KCTD19: variants seen among roughly 807,000 people sequenced by gnomAD.
The protein encoded by KCTD19 is BTB/POZ domain-containing protein KCTD19.
A neutral mutation model predicts 103.5 loss-of-function variants in KCTD19; 67 were observed. The ratio of observed to expected loss-of-function variants is 0.65; its 90% CI spans 0.53 to 0.79. The LOEUF (loss-of-function observed/expected upper bound fraction) is 0.79. KCTD19 is among the 30% of genes least tolerant of loss of function. The pLI is 0.00. For missense variants in KCTD19, 980 were observed against 1,136.1 expected, an observed-to-expected ratio of 0.86 and a Z score of 1.98; for synonymous variants, 439 against 452.2, an observed-to-expected ratio of 0.97 and a Z score of 0.37.
chr16:67,309,275 A>G (rs1366006403), intron 2 of KCTD19, among the ~76,000 whole-genome samples: 1 of 152,214 alleles, frequency 6.6e-6, no homozygotes, highest in Non-Finnish European at 1.5e-5. Flanking sequence ...ACTGAGAAAG[A>G]TGGAAAGACA....
rs373786753 is a variant in KCTD19, at chr16:67,326,709, G to A, written c.-2C>T. Reference sequence around the variant, plus strand: ...CCGCCAGAGCGGGCTCCGTACCATGGTCGCGGCTCCAGCAGCGGGCGGGCG... The same window carrying A: ...CCGCCAGAGCGGGCTCCGTACCATGATCGCGGCTCCAGCAGCGGGCGGGCG... On this transcript the variant is annotated 5_prime_UTR_variant, in exon 1 of 16. Transcript: ENST00000304372. 6.3e-5 allele frequency: 100 copies of A among 1,577,570 alleles called. No individual in the cohort carries two copies. The highest frequency in any genetic ancestry group is 3.1e-4 in the Admixed American group (18 of 57,226).
chr16:67,301,201 G>C (rs886078505), intron 5 of KCTD19: 1 of 153,100 alleles, frequency 6.5e-6, no homozygotes. Context: ...AACCATGAGG[G>C]GAAGAACAAG....
At chr16:67,311,218 G>A (rs1030025954) in intron 2 of KCTD19, among the ~76,000 whole-genome samples, 4 of 152,154 alleles carry the variant, frequency 2.6e-5, no homozygotes, top group African/African-American at 9.7e-5. Context: ...CTAGAATGGG[G>A]GAATTCAGTC....
Position 67,294,010 on chromosome 16 carries a change from G to A in KCTD19, c.1752C>T (p.Asn584=). The A allele has an allele frequency of 3.7e-6, 6 of 1,614,144 alleles. No individual in the cohort carries two copies. The highest frequency in any genetic ancestry group is 5.1e-6 in the Non-Finnish European group (6 of 1,180,032). The change falls in exon 12 of 16, where the codon AAC becomes AAT. Residue 584 remains asparagine (N), a synonymous_variant. Transcript: ENST00000304372. ...CACGGCAGTGTGAGTATGTGCTAGG[G>A]TTGCCAGCCCTCTTGGCATTTCGGC... is the stretch of plus-strand genomic sequence containing the variant. ...SLCRNAKRAG[N]PSTYSHCRGL... is the part of the protein sequence containing the mutation.
rs2036750666 is a variant in KCTD19, at chr16:67,295,203, G to T, written c.1391+60C>A. On this transcript the variant is annotated intron_variant, in intron 9 of 15. Transcript: ENST00000304372. ...GAAGGCTGCAACTCAGGTCTCCTTT[G>T]TTGCTAAGGGAGGGGTCAGCCTTCG... 15 of 1,598,450 alleles carry T rather than the reference G, an allele frequency of 9.4e-6. No individual in the cohort carries two copies. In the South Asian group the frequency reaches 1.6e-4, roughly 17 times the overall value.
At chr16:67,292,030 C>T (rs555366722) in intron 12 of KCTD19, among the ~76,000 whole-genome samples, 193 bp from the exon 13 acceptor site, 41 of 152,252 alleles carry the variant, frequency 2.7e-4, no homozygotes, top group Non-Finnish European at 4.7e-4. Flanking sequence ...CCTGCCACCA[C>T]GCCCGGCTAA....
At position 67,303,176 on chromosome 16, in the gene KCTD19, C is replaced by G. The variant is rs990286461; in HGVS notation, c.613G>C (p.Glu205Gln). The part of the protein sequence containing the change: ...LWLAETVALI[E>Q]CECSEFRFIV... ...AAGCGGAACTCGCTGCACTCGCACTCGATGAGGGCCACCGTCTCAGCCAGC... is the reference window on the plus strand; with the variant it reads ...AAGCGGAACTCGCTGCACTCGCACTGGATGAGGGCCACCGTCTCAGCCAGC... The change falls in exon 4 of 16, where the codon GAG (glutamate) becomes CAG (glutamine). Residue 205 changes from glutamate (E) to glutamine (Q), a missense_variant. Transcript: ENST00000304372. The surrounding 1 kb of genome is among the most constrained non-coding windows in gnomAD (Gnocchi z 4.3). The G allele has an allele frequency of 2.1e-5, 33 of 1,584,856 alleles. No homozygotes were observed. The highest frequency in any genetic ancestry group is 2.7e-5 in the Non-Finnish European group (31 of 1,162,266).
chr16:67,303,381 A>G lies in KCTD19; in HGVS notation c.452-44T>C, dbSNP rs1344900576. On this transcript the variant is annotated intron_variant, in intron 3 of 15. Transcript: ENST00000304372. The surrounding 1 kb of genome is among the most constrained non-coding windows in gnomAD (Gnocchi z 4.3). ...GCAGTGTTGCCACCTCTCAGAAGCC[A>G]GGGATCTGATTCCAGCAGGGCTTTC... 3 of 1,536,452 alleles carry G rather than the reference A, an allele frequency of 2.0e-6. No individual in the cohort carries two copies. The highest frequency in any genetic ancestry group is 1.2e-5 in the South Asian group (1 of 83,860).
chr16:67,295,609 G>A, intron 8 of KCTD19: 1 of 516,970 alleles, frequency 1.9e-6, no homozygotes, highest in Non-Finnish European at 3.4e-6. Context: ...AACTTTTGAT[G>A]GCCCCTAGAC....
chr16:67,314,869 A>AGG (rs2036992191), intron 2 of KCTD19, among the ~76,000 whole-genome samples: 1 of 142,088 alleles, frequency 7.0e-6, no homozygotes, highest in Non-Finnish European at 1.5e-5. Context: ...AGAGAGAGAG[A>AGG]GAGAGGGGAA....
At position 67,294,679 on chromosome 16, in the gene KCTD19, C is replaced by G. The variant is rs780407607; in HGVS notation, c.1491G>C (p.Glu497Asp). Residue 497 changes from glutamate (E) to aspartate (D), a missense_variant, in exon 11 of 16, where the codon GAG (glutamate) becomes GAC (aspartate). Coordinates refer to ENST00000304372, the MANE Select transcript of KCTD19 (RefSeq NM_001100915.3). ...AAGCTTCTTCATTTTCAGATTCTTT[C>G]TCCTGAGTCCATGACCTGCAGAAAC... ...QCEAYKSWTQ[E>D]KESENEEAFS... 23 of 1,613,774 alleles carry G rather than the reference C, an allele frequency of 1.4e-5. No homozygotes were observed. Among genetic ancestry groups the G allele is most frequent in the South Asian group, 3.3e-5 (3 of 91,082 alleles).
intron 2 of KCTD19, among the ~76,000 whole-genome samples, chr16:67,306,401 G>A (rs954974736): frequency 2.6e-5 from 4 of 152,132 alleles, no homozygotes; most frequent in African/African-American, 9.7e-5. Context: ...GAGTACCTGG[G>A]ATTACAGGTG....
At chr16:67,319,779 T>C (rs188543193) in intron 2 of KCTD19, among the ~76,000 whole-genome samples, 47 of 151,838 alleles carry the variant, frequency 3.1e-4, no homozygotes, top group African/African-American at 9.6e-4. Flanking sequence ...GTTTTTTTTT[T>C]TCTCTCTCTT....
chr16:67,295,808 G>T (rs1357606993), intron 8 of KCTD19: 4 of 342,254 alleles, frequency 1.2e-5, no homozygotes, highest in Non-Finnish European at 1.7e-5. Flanking sequence ...GCAGTGGCGC[G>T]ATCTCAGCTC....
chr16:67,290,237 G>A (rs2142497944), intron 15 of KCTD19, among the ~76,000 whole-genome samples: 1 of 133,398 alleles, frequency 7.5e-6, no homozygotes, highest in South Asian at 2.5e-4. Context: ...GAGTGCAGTG[G>A]CACGATCTCG....
chr16:67,293,744 C>T lies in KCTD19; in HGVS notation c.2018G>A (p.Gly673Glu), dbSNP rs1441643860. 17 of 1,613,884 alleles carry T rather than the reference C, an allele frequency of 1.1e-5. No homozygotes were observed. The highest frequency in any genetic ancestry group is 1.4e-5 in the Non-Finnish European group (17 of 1,180,024). The change falls in exon 12 of 16, where the codon GGA (glycine) becomes GAA (glutamate). Residue 673 changes from glycine (G) to glutamate (E), a missense_variant. Physicochemically the swap from Gly to Glu is moderately conservative, Grantham distance 98. Transcript: ENST00000304372. This position sits in a 1 kb window ranked among gnomAD's most constrained non-coding sequence, Gnocchi z 4.0. ...LEEATLQLPL[G>E]SEAASQPSTS... Reference sequence around the variant, plus strand: ...GCTGGGCTGGGAAGCAGCCTCGCTTCCCAAGGGGAGCTGCAGGGTGGCCTC... The same window carrying T: ...GCTGGGCTGGGAAGCAGCCTCGCTTTCCAAGGGGAGCTGCAGGGTGGCCTC...
chr16:67,320,467 C>T lies in KCTD19; in HGVS notation c.300+122G>A, dbSNP rs2037059674. 2.2e-6 allele frequency: 2 copies of T among 913,716 alleles called. No individual in the cohort carries two copies. The highest frequency in any genetic ancestry group is 1.7e-5 in the African/African-American group (1 of 60,016). The allele number at this position is 913,716 out of a possible 1,614,324, so 56.6% of individuals were successfully genotyped here. On this transcript the variant is annotated intron_variant, in intron 2 of 15. Coordinates refer to ENST00000304372, the MANE Select transcript of KCTD19 (RefSeq NM_001100915.3). This position sits in a 1 kb window ranked among gnomAD's most constrained non-coding sequence, Gnocchi z 4.0. The stretch of plus-strand genomic sequence containing the variant: ...GAGGAAATTATTTATTACTTTAACA[C>T]ACTTATTACATTTGCCCATTAAGAG...
chr16:67,294,617 G>A lies in KCTD19; in HGVS notation c.1553C>T (p.Pro518Leu). The A allele has an allele frequency of 6.2e-7, 1 of 1,613,936 alleles. No homozygotes were observed. The highest frequency in any genetic ancestry group is 8.5e-7 in the Non-Finnish European group (1 of 1,179,820). The stretch of plus-strand genomic sequence containing the variant: ...TCTACTGAACTCCACCAGTGACCCT[G>A]GCCCTTCTGTCACCACATGCAGCCT... The part of the protein sequence containing the change: ...IRRLHVVTEG[P>L]GSLVEFSRDT... The change falls in exon 11 of 16, where the codon CCA becomes CTA. Residue 518 changes from proline to leucine, a missense_variant. Physicochemically the swap from Pro to Leu is moderately conservative, Grantham distance 98. Transcript: ENST00000304372.
At chr16:67,305,745 A>ATG (rs2036885811) in intron 2 of KCTD19, 1 of 348,074 alleles carries the variant, frequency 2.9e-6, no homozygotes, top group Non-Finnish European at 5.8e-6. Flanking sequence ...TAAAGGCACC[A>ATG]GATCCTCAAA....
Sources: allele counts gnomAD v4.1 joint callset (sites outside exome capture counted in the v4.1 genomes callset), GRCh38; gene constraint gnomAD v4.1.1; non-coding constraint Gnocchi (gnomAD v3.1); transcripts MANE v1.5; gene names NCBI Gene and HGNC (gene_info 2026-07-23, HGNC 2026-07-21).